The following ABLIM2 variants were observed in gnomAD, a reference collection of about 807,000 sequenced individuals.
ABLIM2 encodes the protein actin-binding LIM protein 2.
A neutral mutation model predicts 97.7 loss-of-function variants in ABLIM2; 53 were observed. The ratio of observed to expected loss-of-function variants is 0.54; its 90% CI spans 0.44 to 0.68. The LOEUF is 0.68. ABLIM2 is among the 30% of genes least tolerant of loss of function. The probability of loss-of-function intolerance (pLI) is 0.00; values close to 1 mark genes in which losing one functional copy is unlikely to be tolerated. For missense variants in ABLIM2, 835 were observed against 867.2 expected (o/e 0.96, Z 0.47); for synonymous variants, 361 against 345.8 (o/e 1.04, Z -0.49).
At chr4:8,036,384 C>T in intron 9 of ABLIM2, 89 bp from the exon 10 acceptor site, 1 of 1,488,296 alleles carries the variant, frequency 6.7e-7, no homozygotes, top group Non-Finnish European at 9.1e-7. Flanking sequence ...TCCCACAGGA[C>T]AGTGCCCCCA....
Position 8,003,724 on chromosome 4 carries a change from C to T in ABLIM2, c.1618+4335G>A, listed in dbSNP as rs1249395198. On this transcript the variant is annotated intron_variant, in intron 16 of 20. Coordinates refer to ENST00000447017, the MANE Select transcript of ABLIM2 (RefSeq NM_001130083.2). This position sits in a 1 kb window ranked among gnomAD's most constrained non-coding sequence, Gnocchi z 4.2. ...GAGATTACAGGTATCCTCCACCATG[C>T]CTGGCTGATTTTTTGTGTTTAGTAG... is the stretch of plus-strand genomic sequence containing the variant. Among the ~76,000 whole-genome samples, 1 of 152,066 alleles carries T rather than the reference C, an allele frequency of 6.6e-6. No individual in the cohort carries two copies. The highest frequency in any genetic ancestry group is 1.5e-5 in the Non-Finnish European group (1 of 68,010).
At chr4:8,010,531 T>C in intron 14 of ABLIM2, 2 of 985,916 alleles carry the variant, frequency 2.0e-6, no homozygotes, top group Non-Finnish European at 2.4e-6. Flanking sequence ...CTTGGAAATT[T>C]GGGATTGGGC....
intron 14 of ABLIM2, among the ~76,000 whole-genome samples, chr4:8,018,134 C>A (rs1022104110): frequency 3.3e-5 from 5 of 152,190 alleles, no homozygotes; most frequent in African/African-American, 1.2e-4. Context: ...AATTTCATAA[C>A]CTGGTTTGCT....
chr4:7,993,990 G>T, intron 16 of ABLIM2: 1 of 496,172 alleles, frequency 2.0e-6, no homozygotes. Flanking sequence ...ACGCCTGCCT[G>T]GCTCAGAGGT....
intron 9 of ABLIM2, among the ~76,000 whole-genome samples, chr4:8,039,414 G>A (rs183182182): frequency 1.3e-5 from 2 of 152,328 alleles, no homozygotes. Flanking sequence ...CAGCCTGCAC[G>A]ATGCCAACAG....
chr4:8,091,786 T>C, intron 3 of ABLIM2, among the ~76,000 whole-genome samples: 1 of 66,222 alleles, frequency 1.5e-5, no homozygotes, highest in Admixed American at 2.6e-4. Context: ...TATATATTAA[T>C]AATTATAGAA....
chr4:8,089,042 T>G (rs1462481056), intron 3 of ABLIM2, among the ~76,000 whole-genome samples: 1 of 152,226 alleles, frequency 6.6e-6, no homozygotes, highest in Non-Finnish European at 1.5e-5. Flanking sequence ...ATGGATTTTT[T>G]GCATTTATTT....
At chr4:8,139,612 C>G (rs772000248) in intron 1 of ABLIM2, among the ~76,000 whole-genome samples, 1 of 152,116 alleles carries the variant, frequency 6.6e-6, no homozygotes. Context: ...CAAATGCTTG[C>G]GAGGCTGTGG....
At chr4:7,985,677 T>A (rs1162124446) in intron 17 of ABLIM2, among the ~76,000 whole-genome samples, 5 of 152,158 alleles carry the variant, frequency 3.3e-5, no homozygotes, top group Admixed American at 2.0e-4. Context: ...ATGTTGTAAG[T>A]ACCCATACAG....
intron 6 of ABLIM2, among the ~76,000 whole-genome samples, chr4:8,066,203 G>C (rs1322268948): frequency 6.6e-6 from 1 of 151,216 alleles, no homozygotes; most frequent in African/African-American, 2.4e-5. Context: ...CTAATCAGGA[G>C]GCTGAGGCAG....
Position 8,097,099 on chromosome 4 carries a change from C to T in ABLIM2, c.338G>A (p.Arg113Gln), listed in dbSNP as rs776555335. The T allele has an allele frequency of 3.1e-6, 5 of 1,602,520 alleles. No individual in the cohort carries two copies. Among genetic ancestry groups the T allele is most frequent in the South Asian group, 1.1e-5 (1 of 89,762 alleles). ...AGAGGCCAGGTGCCCACTTACTCAC[C>T]GGCAGACGGCACACACGAAGCAGTC... ...HPDCFVCAVC[R>Q]LPFPPGDRVT... The change falls in exon 3 of 21, where the codon CGG becomes CAG. Residue 113 changes from arginine (R) to glutamine (Q), a missense_variant and splice_region_variant. Coordinates refer to ENST00000447017, the MANE Select transcript of ABLIM2 (RefSeq NM_001130083.2).
chr4:7,969,284 T>C (rs1027073145), intron 20 of ABLIM2, among the ~76,000 whole-genome samples: 4 of 152,064 alleles, frequency 2.6e-5, no homozygotes, highest in African/African-American at 9.7e-5. Flanking sequence ...TGAGACTCCA[T>C]CTCTACAAAA....
Position 8,004,454 on chromosome 4 carries a change from G to C in ABLIM2, c.1618+3605C>G, listed in dbSNP as rs971392178. On this transcript the variant is annotated intron_variant, in intron 16 of 20. Coordinates refer to ENST00000447017, the MANE Select transcript of ABLIM2 (RefSeq NM_001130083.2). This position sits in a 1 kb window ranked among gnomAD's most constrained non-coding sequence, Gnocchi z 5.9. ...TCATGTGCTGGGATTGGAGGAAAGGGTCTTATTCCCTTCGGAAGTGCTGGG... is the reference window on the plus strand; with the variant it reads ...TCATGTGCTGGGATTGGAGGAAAGGCTCTTATTCCCTTCGGAAGTGCTGGG... 3.9e-5 allele frequency among the ~76,000 whole-genome samples: 6 copies of C among 152,198 alleles called. No homozygotes were observed. The highest frequency in any genetic ancestry group is 7.2e-5 in the African/African-American group (3 of 41,458).
chr4:8,072,841 T>G lies in ABLIM2; in HGVS notation c.675+4787A>C, dbSNP rs375750774. On this transcript the variant is annotated intron_variant, in intron 6 of 20. Coordinates refer to ENST00000447017, the MANE Select transcript of ABLIM2 (RefSeq NM_001130083.2). This position sits in a 1 kb window ranked among gnomAD's most constrained non-coding sequence, Gnocchi z 5.8. Reference sequence around the variant, plus strand: ...AGCAGGGTCAGGGACAGCACCTGAGTGGGGAACGCAGGCCCTGCAAGGCCC... The same window carrying G: ...AGCAGGGTCAGGGACAGCACCTGAGGGGGGAACGCAGGCCCTGCAAGGCCC... 3.3e-5 allele frequency among the ~76,000 whole-genome samples: 5 copies of G among 151,892 alleles called. No individual in the cohort carries two copies. The highest frequency in any genetic ancestry group is 1.2e-4 in the African/African-American group (5 of 41,344).
chr4:8,094,341 C>A (rs34109949), intron 3 of ABLIM2, among the ~76,000 whole-genome samples: 1 of 152,082 alleles, frequency 6.6e-6, no homozygotes, highest in African/African-American at 2.4e-5. Context: ...CCTCAAACAC[C>A]GAGTTAAAGA....
chr4:8,066,345 AGAGG>A (rs1229513088), intron 6 of ABLIM2, among the ~76,000 whole-genome samples: 2 of 68,026 alleles, frequency 2.9e-5, no homozygotes, highest in Non-Finnish European at 5.5e-5. Flanking sequence ...AGGGAGGGAG[AGAGG>A]GAGGGAGGGA....
intron 12 of ABLIM2, among the ~76,000 whole-genome samples, chr4:8,025,150 A>G (rs896933108): frequency 6.6e-6 from 1 of 152,018 alleles, no homozygotes; most frequent in Non-Finnish European, 1.5e-5. Context: ...CTGGTCTCGA[A>G]CTCCTGACCT....
At chr4:7,983,463 A>C in intron 19 of ABLIM2, 84 bp downstream of exon 19, 1 of 1,593,514 alleles carries the variant, frequency 6.3e-7, no homozygotes, top group South Asian at 1.1e-5. Context: ...CACACATTTC[A>C]TAGGTAAAGC....
Position 8,127,511 on chromosome 4 carries a change from G to A in ABLIM2, c.11-20874C>T, listed in dbSNP as rs1016928737. The A allele has an allele frequency of 8.5e-5, 110 of 1,289,480 alleles. 1 individual carries two copies. The Admixed American group carries it at 1.1e-3, about 13-fold the overall frequency. 79.9% of individuals were successfully genotyped at this position (1,289,480 alleles called of 1,614,324 possible). A position where few individuals can be genotyped will look rare whatever the true frequency, so the allele number is the denominator to read the frequency against. ...CTCATGGAGCTCACGGCTCCCAGCC[G>A]GATGGTCTGGGCAAAAGCGCAGTTT... On this transcript the variant is annotated intron_variant, in intron 1 of 20. Transcript: ENST00000447017. The surrounding 1 kb of genome is among the most constrained non-coding windows in gnomAD (Gnocchi z 7.3).
Sources: gnomAD v4.1 joint callset for allele counts (sites outside exome capture counted in the v4.1 genomes callset) on GRCh38, gnomAD v4.1.1 for gene constraint, Gnocchi (gnomAD v3.1) non-coding constraint, MANE v1.5 for transcripts, NCBI Gene and HGNC (gene_info 2026-07-23, HGNC 2026-07-21) for gene names.